Variants in INPP5A observed in about 807,000 individuals in gnomAD.
The protein encoded by INPP5A is inositol polyphosphate-5-phosphatase A.
INPP5A carries 14 observed loss-of-function variants against 65.2 expected under a neutral mutation model. The observed-to-expected ratio is 0.21, with a 90% CI of 0.14 to 0.34. INPP5A has a LOEUF of 0.34. Among genes scored for constraint, INPP5A ranks in the 10% least tolerant of loss-of-function variants. The pLI is 1.00. For synonymous variants in INPP5A, 207 were observed against 208.3 expected, an observed-to-expected ratio of 0.99 and a Z score of 0.05; for missense variants, 431 against 545.6, an observed-to-expected ratio of 0.79 and a Z score of 2.09.
At chr10:132,609,844 C>A (rs898094690) in intron 2 of INPP5A, among the ~76,000 whole-genome samples, 2 of 152,190 alleles carry the variant, frequency 1.3e-5, no homozygotes, top group African/African-American at 4.8e-5. Flanking sequence ...GGGGTTTCAC[C>A]ACGTTGACCA....
intron 8 of INPP5A, among the ~76,000 whole-genome samples, chr10:132,719,685 T>C (rs555043985): frequency 6.7e-6 from 1 of 149,614 alleles, no homozygotes; most frequent in East Asian, 2.0e-4. Flanking sequence ...ACGGCTGTCT[T>C]GCAGGTTCTG....
At chr10:132,710,671 CGGTGTGGATGGAGAGGTA>C (rs1845620167) in intron 8 of INPP5A, among the ~76,000 whole-genome samples, 2 of 130,046 alleles carry the variant, frequency 1.5e-5, no homozygotes, top group Non-Finnish European at 3.2e-5. Context: ...GTGGACAGGT[CGGTGTGGATGGAGAGGTA>C]GGTGTGGATG....
intron 8 of INPP5A, among the ~76,000 whole-genome samples, chr10:132,719,493 T>C (rs1230927960): frequency 2.0e-5 from 3 of 146,444 alleles, no homozygotes; most frequent in South Asian, 2.1e-4. Flanking sequence ...GGTTCTGTGG[T>C]ACCTGGGTTC....
intron 1 of INPP5A, among the ~76,000 whole-genome samples, chr10:132,557,257 C>T (rs2071138865): frequency 6.6e-6 from 1 of 152,246 alleles, no homozygotes; most frequent in Non-Finnish European, 1.5e-5. Context: ...CGCCCGGGGC[C>T]ACTGTGACTC....
rs979224098 is a variant in INPP5A, at chr10:132,555,938, T to G, written c.75+17767T>G. ...AGCCTCTCACCTGCTGGAATTCACC[T>G]TGGCTCAGCGCTTGGTGCTTTTGAT... is the stretch of plus-strand genomic sequence containing the variant. On this transcript the variant is annotated intron_variant, in intron 1 of 15. Transcript: ENST00000368594. This position sits in a 1 kb window ranked among gnomAD's most constrained non-coding sequence, Gnocchi z 4.4. Among the ~76,000 whole-genome samples, 2 of 152,026 alleles carry G rather than the reference T, an allele frequency of 1.3e-5. No homozygotes were observed. The highest frequency in any genetic ancestry group is 1.3e-4 in the Admixed American group (2 of 15,260).
intron 11 of INPP5A, among the ~76,000 whole-genome samples, chr10:132,755,854 G>T (rs1351567525): frequency 1.3e-5 from 2 of 152,150 alleles, no homozygotes; most frequent in African/African-American, 4.8e-5. Context: ...AGGAAGACTG[G>T]GGAGTGTTCA....
rs547921099 is a variant in INPP5A at position 132,649,227 on chromosome 10, C to T, written c.219-1191C>T. Reference sequence around the variant, plus strand: ...TTGTCCACTCCTTCCAGAAGCCTCACGTGTGCTTTCCCTGTCCTCGCTTTT... The same window carrying T: ...TTGTCCACTCCTTCCAGAAGCCTCATGTGTGCTTTCCCTGTCCTCGCTTTT... On this transcript the variant is annotated intron_variant, in intron 3 of 15. Coordinates refer to ENST00000368594, the MANE Select transcript of INPP5A (RefSeq NM_005539.5). Among the ~76,000 whole-genome samples, 18 of 152,334 alleles carry T rather than the reference C, an allele frequency of 1.2e-4. No homozygotes were observed. The South Asian group carries it at 1.2e-3, about 11-fold the overall frequency.
At chr10:132,684,230 A>G (rs976553221) in intron 4 of INPP5A, among the ~76,000 whole-genome samples, 1 of 152,098 alleles carries the variant, frequency 6.6e-6, no homozygotes, top group African/African-American at 2.4e-5. Flanking sequence ...AATTTGATTT[A>G]CCCATTTGCA....
chr10:132,635,776 GCAACATAGCAAGATCC>G (rs2072341116), intron 2 of INPP5A, among the ~76,000 whole-genome samples: 1 of 151,436 alleles, frequency 6.6e-6, no homozygotes, highest in Non-Finnish European at 1.5e-5. Flanking sequence ...ACCAGCCTGA[GCAACATAGCAAGATCC>G]CTGTCTCTCG....
At chr10:132,673,826 C>T (rs2072926666) in intron 4 of INPP5A, among the ~76,000 whole-genome samples, 2 of 152,242 alleles carry the variant, frequency 1.3e-5, no homozygotes, top group Admixed American at 6.5e-5. Flanking sequence ...AATCAACCTG[C>T]CACCAGGTAG....
rs200840288 is a variant in INPP5A at position 132,635,536 on chromosome 10, C to T, written c.118-10332C>T. On this transcript the variant is annotated intron_variant, in intron 2 of 15. Transcript: ENST00000368594. ...TCAGCCTCCTGAGTAGCTGGGACTA[C>T]AGGTGCCCGCCACCATGCCCGGCTA... is the stretch of plus-strand genomic sequence containing the variant. Among the ~76,000 whole-genome samples the T allele has an allele frequency of 2.6e-5, 4 of 151,448 alleles. No individual in the cohort carries two copies. The East Asian group carries it at 7.7e-4, about 29-fold the overall frequency.
intron 13 of INPP5A, 37 bp from the exon 14 acceptor site, chr10:132,780,812 A>G (rs3793687): frequency 0.22 from 342,591 of 1,584,904 alleles, 38,889 homozygotes; most frequent in Middle Eastern, 0.23. Context: ...AGGGTGCCCC[A>G]CCTCCCCACA....
rs1347175980 is a variant in INPP5A, at chr10:132,698,059, G to A, written c.474+140G>A. On this transcript the variant is annotated intron_variant, in intron 6 of 15. Coordinates refer to ENST00000368594, the MANE Select transcript of INPP5A (RefSeq NM_005539.5). This position sits in a 1 kb window ranked among gnomAD's most constrained non-coding sequence, Gnocchi z 5.5. The stretch of plus-strand genomic sequence containing the variant: ...TTACCTCCGATAATCTGTCTTCCTG[G>A]GAGTCCAGGCTTCTGTGGTTGGTCT... The A allele has an allele frequency of 1.5e-6, 1 of 659,604 alleles. No individual in the cohort carries two copies. Among genetic ancestry groups the A allele is most frequent in the East Asian group, 2.7e-5 (1 of 36,366 alleles). 40.9% of individuals were successfully genotyped at this position (659,604 alleles called of 1,614,324 possible). A position where few individuals can be genotyped will look rare whatever the true frequency, so the allele number is the denominator to read the frequency against.
At chr10:132,765,215 G>A (rs558952718) in intron 11 of INPP5A, among the ~76,000 whole-genome samples, 2 of 152,284 alleles carry the variant, frequency 1.3e-5, no homozygotes, top group African/African-American at 4.8e-5. Flanking sequence ...GGTGATGCCC[G>A]CCTGGGGCTT....
chr10:132,745,086 C>T (rs544872504), intron 9 of INPP5A, among the ~76,000 whole-genome samples: 24 of 152,270 alleles, frequency 1.6e-4, no homozygotes, highest in Admixed American at 3.9e-4. Flanking sequence ...CTGCTCCAGG[C>T]GAGCTTGGGC....
At chr10:132,561,393 A>AG (rs1198331391) in intron 1 of INPP5A, among the ~76,000 whole-genome samples, 1 of 151,820 alleles carries the variant, frequency 6.6e-6, no homozygotes, top group African/African-American at 2.4e-5. Context: ...GGTGTGAGGT[A>AG]GGGGTCTTCA....
chr10:132,637,474 T>C lies in INPP5A; in HGVS notation c.118-8394T>C, dbSNP rs2072371329. 6.6e-6 allele frequency among the ~76,000 whole-genome samples: 1 copy of C among 152,190 alleles called. No individual in the cohort carries two copies. The highest frequency in any genetic ancestry group is 2.4e-5 in the African/African-American group (1 of 41,442). On this transcript the variant is annotated intron_variant, in intron 2 of 15. Transcript: ENST00000368594. The surrounding 1 kb of genome is among the most constrained non-coding windows in gnomAD (Gnocchi z 4.1). ...AGTTTTAAATGTTAGGTGTTTCGGGTGTCCTTTGGGTCCCTGATCCTCCAA... is the reference window on the plus strand; with the variant it reads ...AGTTTTAAATGTTAGGTGTTTCGGGCGTCCTTTGGGTCCCTGATCCTCCAA...
At chr10:132,607,547 G>A (rs1257604171) in intron 1 of INPP5A, among the ~76,000 whole-genome samples, 5 of 152,236 alleles carry the variant, frequency 3.3e-5, no homozygotes, top group African/African-American at 7.2e-5. Context: ...AGGTGCCACC[G>A]TCTTGCTTGT....
chr10:132,544,403 G>A (rs928085069), intron 1 of INPP5A, among the ~76,000 whole-genome samples: 12 of 152,316 alleles, frequency 7.9e-5, no homozygotes, highest in Admixed American at 5.9e-4. Flanking sequence ...CCCTGCCCCG[G>A]TGCGGCAATG....
Sources: allele counts gnomAD v4.1 joint callset (sites outside exome capture counted in the v4.1 genomes callset), GRCh38; gene constraint gnomAD v4.1.1; non-coding constraint Gnocchi (gnomAD v3.1); transcripts MANE v1.5; gene names NCBI Gene and HGNC (gene_info 2026-07-23, HGNC 2026-07-21).